Variants in TMX2 observed in about 807,000 individuals in gnomAD.
TMX2 encodes thioredoxin related transmembrane protein 2.
In TMX2, 20 loss-of-function variants were observed where a neutral mutation model predicts 33.4. The ratio of observed to expected loss-of-function variants is 0.60; its 90% CI spans 0.42 to 0.87. The LOEUF (loss-of-function observed/expected upper bound fraction) is 0.87, where lower values mean the gene tolerates loss of function less well. Ranked by LOEUF, TMX2 falls within the 40% of genes least tolerant of loss-of-function variation. The pLI is 0.00. For missense variants in TMX2, 340 were observed against 370.7 expected, an observed-to-expected ratio of 0.92 and a Z score of 0.68; for synonymous variants, 166 against 140.7, an observed-to-expected ratio of 1.18 and a Z score of -1.27.
chr11:57,738,916 TC>T lies in TMX2; in HGVS notation c.549-56del. The T allele has an allele frequency of 1.9e-6, 3 of 1,576,232 alleles. No individual in the cohort carries two copies. In the Middle Eastern group the frequency reaches 5.1e-4, roughly 265 times the overall value. ...CTCTCCCCTCTTAAATATCTATACT[TC>T]CACTTTCCTTGATCCATTATTTTTT... On this transcript the variant is annotated intron_variant, in intron 5 of 7. Transcript: ENST00000278422.
At chr11:57,718,132 C>T in intron 1 of TMX2, 4 of 1,188,062 alleles carry the variant, frequency 3.4e-6, no homozygotes, top group Non-Finnish European at 3.8e-6. Context: ...ATATTCATGC[C>T]TTCTTTCACC....
intron 1 of TMX2, among the ~76,000 whole-genome samples, chr11:57,721,783 C>G (rs1026596231): frequency 6.6e-6 from 1 of 152,050 alleles, no homozygotes; most frequent in Non-Finnish European, 1.5e-5. Flanking sequence ...GCGAAAGACT[C>G]TTGTTTTCAT....
Position 57,715,402 on chromosome 11 carries a change from A to AAAAT in TMX2, c.189+2611_189+2614dup, listed in dbSNP as rs544592015. ...GGCAACAAGAGCAAAGTTCTGTCTC[A>AAAAT]AAATAAATAAATAAATAAAATTAAA... is the stretch of plus-strand genomic sequence containing the variant. On this transcript the variant is annotated intron_variant, in intron 1 of 7. Transcript: ENST00000278422. Among the ~76,000 whole-genome samples the AAAAT allele has an allele frequency of 2.6e-5, 4 of 151,400 alleles. No individual in the cohort carries two copies. The East Asian group carries it at 5.8e-4, about 22-fold the overall frequency.
At chr11:57,717,572 G>A (rs1006636198) in intron 1 of TMX2, among the ~76,000 whole-genome samples, 6 of 152,030 alleles carry the variant, frequency 3.9e-5, no homozygotes, top group East Asian at 3.9e-4. Context: ...GCGTGGTGGC[G>A]CTTGCCTGCA....
At chr11:57,718,972 A>C (rs1229418756) in intron 1 of TMX2, among the ~76,000 whole-genome samples, 4 of 150,846 alleles carry the variant, frequency 2.7e-5, no homozygotes, top group Admixed American at 6.6e-5. Flanking sequence ...ATTTTTAAAA[A>C]GAGCTTTCTG....
chr11:57,715,729 G>GCCTT (rs1946947144), intron 1 of TMX2, among the ~76,000 whole-genome samples: 1 of 151,674 alleles, frequency 6.6e-6, no homozygotes, highest in Non-Finnish European at 1.5e-5. Context: ...GGACCCTGCC[G>GCCTT]CCTTCCGCAG....
intron 1 of TMX2, among the ~76,000 whole-genome samples, chr11:57,725,982 A>C (rs1354663943): frequency 1.3e-5 from 2 of 152,194 alleles, no homozygotes; most frequent in Non-Finnish European, 2.9e-5. Context: ...CGTGAAGATA[A>C]ATATATCTAC....
intron 7 of TMX2, 65 bp downstream of exon 7, chr11:57,739,325 C>T (rs1171122878): frequency 1.3e-6 from 2 of 1,576,958 alleles, no homozygotes; most frequent in Non-Finnish European, 8.7e-7. Flanking sequence ...CAAGCCCTAC[C>T]CGGGTTTGAT....
intron 1 of TMX2, among the ~76,000 whole-genome samples, chr11:57,713,059 C>G (rs928647503): frequency 2.6e-5 from 4 of 152,198 alleles, no homozygotes; most frequent in Admixed American, 2.0e-4. Flanking sequence ...GTCCAGGTTT[C>G]TTTCTGTTTC....
chr11:57,716,451 C>A (rs1299795290), intron 1 of TMX2, among the ~76,000 whole-genome samples: 4 of 136,442 alleles, frequency 2.9e-5, no homozygotes, highest in East Asian at 2.3e-4. Context: ...GCTGACCCCC[C>A]CACCTCCCTC....
chr11:57,736,304 A>G (rs1948746951), intron 1 of TMX2, among the ~76,000 whole-genome samples: 1 of 151,700 alleles, frequency 6.6e-6, no homozygotes, highest in Non-Finnish European at 1.5e-5. Context: ...TGGGGCACAC[A>G]TAAAATACAC....
chr11:57,730,149 G>C (rs1420391724), intron 1 of TMX2, among the ~76,000 whole-genome samples: 1 of 150,286 alleles, frequency 6.7e-6, no homozygotes, highest in African/African-American at 2.4e-5. Flanking sequence ...GCATGTGGTG[G>C]CCATGGTGCC....
intron 1 of TMX2, among the ~76,000 whole-genome samples, chr11:57,725,824 T>C (rs745423874): frequency 1.3e-5 from 2 of 152,126 alleles, no homozygotes; most frequent in African/African-American, 2.4e-5. Context: ...ACAAAATTGG[T>C]TGCCTTCTAA....
chr11:57,724,942 G>A (rs1267435045), intron 1 of TMX2, among the ~76,000 whole-genome samples: 1 of 151,674 alleles, frequency 6.6e-6, no homozygotes, highest in Admixed American at 6.6e-5. Flanking sequence ...GGAGGCTGGG[G>A]CAGGAGAATC....
At chr11:57,738,281 T>G in intron 3 of TMX2, 73 bp from the exon 4 acceptor site, 1 of 1,136,874 alleles carries the variant, frequency 8.8e-7, no homozygotes, top group African/African-American at 1.5e-5. Flanking sequence ...CTGAAATCCT[T>G]GGGTTGGTTT....
chr11:57,738,060 T>C, intron 3 of TMX2, 34 bp downstream of exon 3: 1 of 1,500,766 alleles, frequency 6.7e-7, no homozygotes, highest in South Asian at 1.3e-5. Context: ...TTTTTTTTTT[T>C]TGTAAGACTG....
chr11:57,723,479 G>T (rs1394369765), intron 1 of TMX2, among the ~76,000 whole-genome samples: 1 of 128,436 alleles, frequency 7.8e-6, no homozygotes, highest in Admixed American at 8.8e-5. Context: ...GCAAAACTCC[G>T]TCTCAAAAAA....
At position 57,739,008 on chromosome 11, in the gene TMX2, G is replaced by A. The variant is rs1434502488; in HGVS notation, c.583G>A (p.Asp195Asn). 6 of 1,613,970 alleles carry A rather than the reference G, an allele frequency of 3.7e-6. No individual in the cohort carries two copies. The highest frequency in any genetic ancestry group is 5.1e-6 in the Non-Finnish European group (6 of 1,180,038). ...TACAGGGCTAAATTTTGGGAAGGTGGATGTTGGACGCTATACTGATGTTAG... is the reference window on the plus strand; with the variant it reads ...TACAGGGCTAAATTTTGGGAAGGTGAATGTTGGACGCTATACTGATGTTAG... ...NCTGLNFGKV[D>N]VGRYTDVSTR... Residue 195 changes from aspartate to asparagine, a missense_variant, in exon 6 of 8, where the codon GAT becomes AAT. Physicochemically the swap from Asp to Asn is conservative, Grantham distance 23. Coordinates refer to ENST00000278422, the MANE Select transcript of TMX2 (RefSeq NM_015959.4).
chr11:57,731,433 C>CTTT (rs140987390), intron 1 of TMX2, among the ~76,000 whole-genome samples: 92 of 66,906 alleles, frequency 1.4e-3, no homozygotes, highest in East Asian at 6.1e-3. Flanking sequence ...CGCACCCAGC[C>CTTT]TTTTTTTTTT....
Sources: gnomAD v4.1 joint callset for allele counts (sites outside exome capture counted in the v4.1 genomes callset) on GRCh38, gnomAD v4.1.1 for gene constraint, MANE v1.5 for transcripts, NCBI Gene and HGNC (gene_info 2026-07-23, HGNC 2026-07-21) for gene names.